ERBB4: variants seen among roughly 807,000 people sequenced by gnomAD.
ERBB4 encodes erb-b2 receptor tyrosine kinase 4.
A neutral mutation model predicts 158.0 loss-of-function variants in ERBB4; 42 were observed. That is an observed-to-expected ratio of 0.27 (90% CI 0.21 to 0.34). The LOEUF (loss-of-function observed/expected upper bound fraction) is 0.34. Ranked by LOEUF, ERBB4 falls within the 10% of genes least tolerant of loss-of-function variation. The pLI is 1.00. For synonymous variants in ERBB4, 583 were observed against 558.7 expected (o/e 1.04, Z -0.61); for missense variants, 1,333 against 1,624.1 (o/e 0.82, Z 3.08).
At chr2:211,932,687 C>T (rs2080210465) in intron 3 of ERBB4, among the ~76,000 whole-genome samples, 1 of 151,828 alleles carries the variant, frequency 6.6e-6, no homozygotes, top group African/African-American at 2.4e-5. Context: ...CATTGATTTC[C>T]TCTTTAAAAA....
At chr2:211,428,821 G>GATCC (rs2063690327) in intron 21 of ERBB4, among the ~76,000 whole-genome samples, 1 of 152,000 alleles carries the variant, frequency 6.6e-6, no homozygotes, top group Admixed American at 6.6e-5. Context: ...AGGCTCAAGT[G>GATCC]ATCCTCCCAC....
At chr2:212,075,919 T>C (rs140409039) in intron 2 of ERBB4, among the ~76,000 whole-genome samples, 23 of 152,082 alleles carry the variant, frequency 1.5e-4, no homozygotes, top group African/African-American at 5.3e-4. Flanking sequence ...GCTACATTTA[T>C]GATAATACCT....
chr2:212,342,646 A>G (rs1045538404), intron 1 of ERBB4, among the ~76,000 whole-genome samples: 3 of 152,216 alleles, frequency 2.0e-5, no homozygotes, highest in African/African-American at 7.2e-5. Flanking sequence ...TTTCAATTAT[A>G]AAGGGGAAAG....
chr2:212,437,538 T>C (rs1231065265), intron 1 of ERBB4, among the ~76,000 whole-genome samples: 1 of 150,820 alleles, frequency 6.6e-6, no homozygotes, highest in African/African-American at 2.4e-5. Context: ...ATTTTTAGGA[T>C]AAACTCATTT....
At chr2:211,935,868 A>C (rs1559136313) in intron 3 of ERBB4, among the ~76,000 whole-genome samples, 2 of 152,150 alleles carry the variant, frequency 1.3e-5, no homozygotes, top group Admixed American at 6.6e-5. Context: ...AACCACTTCT[A>C]CATAGTAAAT....
chr2:212,097,192 G>T (rs2078957129), intron 2 of ERBB4, among the ~76,000 whole-genome samples: 1 of 152,112 alleles, frequency 6.6e-6, no homozygotes, highest in African/African-American at 2.4e-5. Flanking sequence ...GGACAAGCAG[G>T]AGAGTCAACA....
chr2:211,704,794 T>A (rs763515517), intron 10 of ERBB4, among the ~76,000 whole-genome samples: 1 of 152,190 alleles, frequency 6.6e-6, no homozygotes, highest in Non-Finnish European at 1.5e-5. Flanking sequence ...ATGTCAAACT[T>A]TCAAAGATAC....
chr2:212,390,227 T>C (rs1316769665), intron 1 of ERBB4, among the ~76,000 whole-genome samples: 1 of 147,442 alleles, frequency 6.8e-6, no homozygotes, highest in African/African-American at 2.7e-5. Context: ...TCACTGTTAA[T>C]TGAGTTTATT....
At position 211,562,107 on chromosome 2, in the gene ERBB4, A is replaced by C. The variant is rs774687993; in HGVS notation, c.2302-19T>G. ...GAGCTTCCTGTAAGAAAAAAATGCAATACCATGATTTCAACTCAAATTTTC... is the reference window on the plus strand; with the variant it reads ...GAGCTTCCTGTAAGAAAAAAATGCACTACCATGATTTCAACTCAAATTTTC... On this transcript the variant is annotated intron_variant, in intron 19 of 27. Coordinates refer to ENST00000342788, the MANE Select transcript of ERBB4 (RefSeq NM_005235.3). The C allele has an allele frequency of 5.0e-6, 8 of 1,607,322 alleles. No homozygotes were observed. Among genetic ancestry groups the C allele is most frequent in the Non-Finnish European group, 6.8e-6 (8 of 1,177,780 alleles).
At chr2:212,407,188 AATAC>A (rs1327972026) in intron 1 of ERBB4, among the ~76,000 whole-genome samples, 1 of 151,424 alleles carries the variant, frequency 6.6e-6, no homozygotes, top group African/African-American at 2.4e-5. Context: ...AACACATATA[AATAC>A]ATATATGTAT....
Position 212,320,318 on chromosome 2 carries a change from C to CT in ERBB4, c.83-195416dup, listed in dbSNP as rs34188818. Among the ~76,000 whole-genome samples, 835 of 144,300 alleles carry CT rather than the reference C, an allele frequency of 5.8e-3. 12 individuals are homozygous for CT. Among genetic ancestry groups the CT allele is most frequent in the African/African-American group, 0.018 (710 of 38,570 alleles). The allele number at this position is 144,300 out of a possible 152,430, so 94.7% of individuals were successfully genotyped here. A position where few individuals can be genotyped will look rare whatever the true frequency, so the allele number is the denominator to read the frequency against. On this transcript the variant is annotated intron_variant, in intron 1 of 27. Coordinates refer to ENST00000342788, the MANE Select transcript of ERBB4 (RefSeq NM_005235.3). ...AATGAAATGCAGTTTCAAGTACAGT[C>CT]TTTTTTTTTTACTTCTTCTTCTTCT...
intron 2 of ERBB4, among the ~76,000 whole-genome samples, chr2:212,091,617 T>C (rs1575618536): frequency 6.6e-6 from 1 of 152,100 alleles, no homozygotes; most frequent in Admixed American, 6.6e-5. Context: ...AACAAAGGGC[T>C]TAAAGAAATA....
chr2:212,429,833 C>T (rs7569142), intron 1 of ERBB4, among the ~76,000 whole-genome samples: 50,267 of 152,014 alleles, frequency 0.33, 8,871 homozygotes, highest in Non-Finnish European at 0.4. Context: ...AGATTCCCAA[C>T]TGTGGAAAGT....
At chr2:211,456,344 T>C (rs1462576692) in intron 20 of ERBB4, among the ~76,000 whole-genome samples, 4 of 152,158 alleles carry the variant, frequency 2.6e-5, no homozygotes, top group African/African-American at 9.7e-5. Context: ...CAATCTTATA[T>C]CCCCAGCACT....
chr2:212,426,951 T>C (rs1172834280), intron 1 of ERBB4, among the ~76,000 whole-genome samples: 1 of 152,184 alleles, frequency 6.6e-6, no homozygotes, highest in Admixed American at 6.6e-5. Context: ...TCTATACTTT[T>C]GATGATTCAA....
chr2:211,935,681 T>C (rs991235870), intron 3 of ERBB4, among the ~76,000 whole-genome samples: 1 of 152,040 alleles, frequency 6.6e-6, no homozygotes, highest in East Asian at 1.9e-4. Context: ...AGGCAGCCTG[T>C]TGTGGAACTT....
chr2:211,506,368 C>A (rs1033986684), intron 20 of ERBB4, among the ~76,000 whole-genome samples: 1 of 152,066 alleles, frequency 6.6e-6, no homozygotes, highest in Non-Finnish European at 1.5e-5. Flanking sequence ...AGAAAGTTAA[C>A]AAGAAAACTC....
chr2:212,075,635 T>C (rs1198008266), intron 2 of ERBB4, among the ~76,000 whole-genome samples: 1 of 151,696 alleles, frequency 6.6e-6, no homozygotes, highest in Non-Finnish European at 1.5e-5. Flanking sequence ...TAAATAATTA[T>C]ATGGTTTATA....
At chr2:211,428,578 C>A in intron 21 of ERBB4, 95 bp from the exon 22 acceptor site, 1 of 690,272 alleles carries the variant, frequency 1.4e-6, no homozygotes, top group South Asian at 1.6e-5. Context: ...TGGCCTTAAT[C>A]ATATTTTTTT....
Sources: gnomAD v4.1 joint callset for allele counts (sites outside exome capture counted in the v4.1 genomes callset) on GRCh38, gnomAD v4.1.1 for gene constraint, MANE v1.5 for transcripts, NCBI Gene and HGNC (gene_info 2026-07-23, HGNC 2026-07-21) for gene names.